Variants in OTOGL observed in about 807,000 individuals in gnomAD.
OTOGL encodes the protein otogelin like.
In OTOGL, 285 loss-of-function variants were observed where a neutral mutation model predicts 318.5. The ratio of observed to expected loss-of-function variants is 0.89; its 90% CI spans 0.81 to 0.99. The LOEUF (loss-of-function observed/expected upper bound fraction) is 0.99, where lower values mean the gene tolerates loss of function less well. Among genes scored for constraint, OTOGL ranks in the 50% least tolerant of loss-of-function variants. The pLI, the probability that OTOGL is intolerant of heterozygous loss-of-function variation, is 0.00. For missense variants in OTOGL, 2,899 were observed against 2,845.6 expected, an observed-to-expected ratio of 1.02 and a Z score of -0.43; for synonymous variants, 987 against 936.5, an observed-to-expected ratio of 1.05 and a Z score of -0.99.
intron 1 of OTOGL, among the ~76,000 whole-genome samples, chr12:80,166,000 G>C (rs1403382462): frequency 6.6e-6 from 1 of 152,162 alleles, no homozygotes; most frequent in East Asian, 1.9e-4. Context: ...GACAGATGGT[G>C]GTAATGTGCT....
intron 1 of OTOGL, among the ~76,000 whole-genome samples, chr12:80,150,505 G>C (rs776023590): frequency 6.6e-6 from 1 of 152,208 alleles, no homozygotes; most frequent in Non-Finnish European, 1.5e-5. Context: ...GGCAGTGAGC[G>C]ATGGACCAAT....
rs1210653107 is a variant in OTOGL at position 80,232,938 on chromosome 12, G to A, written c.658G>A (p.Ala220Thr). ...TIGQIFIEKL[A>T]DYILVKTTFG... The stretch of plus-strand genomic sequence containing the variant: ...TGGACAGATTTTCATTGAGAAACTA[G>A]CTGACTACATTCTTGTGAAAACAAC... The change falls in exon 9 of 59, where the codon GCT becomes ACT. Residue 220 changes from alanine (A) to threonine (T), a missense_variant. Ala to Thr is a moderately conservative substitution (Grantham distance 58, BLOSUM62 0). Coordinates refer to ENST00000547103, the MANE Select transcript of OTOGL (RefSeq NM_001378609.3). 1.3e-6 allele frequency: 2 copies of A among 1,599,272 alleles called. No homozygotes were observed. The highest frequency in any genetic ancestry group is 1.7e-6 in the Non-Finnish European group (2 of 1,179,638).
chr12:80,341,445 A>G (rs1888762027), intron 43 of OTOGL, among the ~76,000 whole-genome samples: 1 of 152,208 alleles, frequency 6.6e-6, no homozygotes, highest in Non-Finnish European at 1.5e-5. Context: ...CTTTATGCCA[A>G]TCAGAGCCCT....
At chr12:80,299,764 C>G (rs1885640647) in intron 27 of OTOGL, among the ~76,000 whole-genome samples, 2 of 152,108 alleles carry the variant, frequency 1.3e-5, no homozygotes, top group South Asian at 2.1e-4. Flanking sequence ...GCTAACATCA[C>G]TAGAGTTTGT....
At chr12:80,123,061 T>A (rs1186637903) in intron 1 of OTOGL, among the ~76,000 whole-genome samples, 1 of 152,004 alleles carries the variant, frequency 6.6e-6, no homozygotes, top group Non-Finnish European at 1.5e-5. Flanking sequence ...TACTTTAAGT[T>A]TTAGGGTACA....
At chr12:80,335,651 A>C (rs977187421) in intron 38 of OTOGL, among the ~76,000 whole-genome samples, 1 of 152,124 alleles carries the variant, frequency 6.6e-6, no homozygotes, top group Non-Finnish European at 1.5e-5. Flanking sequence ...GTGAAGGGTC[A>C]GCTGTCATTT....
At chr12:80,144,829 T>C (rs1340942209) in intron 1 of OTOGL, among the ~76,000 whole-genome samples, 7 of 152,314 alleles carry the variant, frequency 4.6e-5, no homozygotes, top group South Asian at 2.1e-4. Flanking sequence ...TTTTTTCATA[T>C]GTTTTTTGGC....
At chr12:80,307,945 C>T (rs1407327342) in intron 29 of OTOGL, among the ~76,000 whole-genome samples, 9 of 131,188 alleles carry the variant, frequency 6.9e-5, no homozygotes, top group African/African-American at 2.0e-4. Context: ...CCCTCCCGGA[C>T]GGAGCGGCTG....
rs1882048214 is a variant in OTOGL at position 80,256,409 on chromosome 12, G to T, written c.1660G>T (p.Gly554Cys). The change falls in exon 17 of 59, where the codon GGT becomes TGT. Residue 554 changes from glycine to cysteine, a missense_variant. Around this residue, in one of 3 missense-constraint regions of OTOGL, gnomAD observed 2,607 missense variants for 2,524.9 expected, o/e 1.03. Coordinates refer to ENST00000547103, the MANE Select transcript of OTOGL (RefSeq NM_001378609.3). Reference protein sequence around the residue: ...EDDFNKQVTLGRGGQILTSPN... With the variant: ...EDDFNKQVTLCRGGQILTSPN... Reference sequence around the variant, plus strand: ...TGATTTTAACAAACAAGTGACCCTTGGTAGGGGAGGACAAATTCTCACTAG... The same window carrying T: ...TGATTTTAACAAACAAGTGACCCTTTGTAGGGGAGGACAAATTCTCACTAG... 6.3e-7 allele frequency: 1 copy of T among 1,591,872 alleles called. No homozygotes were observed. The highest frequency in any genetic ancestry group is 8.5e-7 in the Non-Finnish European group (1 of 1,175,812).
intron 24 of OTOGL, among the ~76,000 whole-genome samples, chr12:80,274,477 C>A (rs1221781726): frequency 6.6e-6 from 1 of 151,944 alleles, no homozygotes; most frequent in African/African-American, 2.4e-5. Flanking sequence ...TTGAAGCCAG[C>A]AGAGGTTGGC....
intron 29 of OTOGL, among the ~76,000 whole-genome samples, chr12:80,309,729 G>A (rs932445322): frequency 2.0e-5 from 3 of 152,152 alleles, no homozygotes; most frequent in Admixed American, 2.0e-4. Context: ...GCAAAGAGGA[G>A]GAAATGAATG....
chr12:80,320,418 A>G lies in OTOGL; in HGVS notation c.3803-4A>G. The G allele has an allele frequency of 1.2e-6, 2 of 1,607,194 alleles. No homozygotes were observed. The highest frequency in any genetic ancestry group is 8.5e-7 in the Non-Finnish European group (1 of 1,175,942). ...GAGAATCCACACTGCTCTATATTTT[A>G]CAGCATTAGCACTTGTTTCCTTGGA... On this transcript the variant is annotated splice_polypyrimidine_tract_variant and splice_region_variant and intron_variant, in intron 33 of 58. Transcript: ENST00000547103.
chr12:80,269,700 G>A (rs1247904344), intron 22 of OTOGL, among the ~76,000 whole-genome samples: 1 of 152,080 alleles, frequency 6.6e-6, no homozygotes, highest in Non-Finnish European at 1.5e-5. Context: ...TTGATTCCCT[G>A]ATGTTGGTTG....
Position 80,220,856 on chromosome 12 carries a change from G to A in OTOGL, c.334+944G>A, listed in dbSNP as rs74108565. On this transcript the variant is annotated intron_variant, in intron 6 of 58. Coordinates refer to ENST00000547103, the MANE Select transcript of OTOGL (RefSeq NM_001378609.3). The stretch of plus-strand genomic sequence containing the variant: ...TTAAACTTGTTACAGGTGCTGTAAA[G>A]TACAAGATGCTATGAAAAAATGAAG... Among the ~76,000 whole-genome samples the A allele has an allele frequency of 8.2e-3, 1,252 of 152,194 alleles. 18 individuals carry two copies. Among genetic ancestry groups the A allele is most frequent in the African/African-American group, 0.029 (1,192 of 41,512 alleles).
intron 26 of OTOGL, among the ~76,000 whole-genome samples, chr12:80,290,434 G>A (rs1417691608): frequency 6.6e-6 from 1 of 151,936 alleles, no homozygotes; most frequent in Non-Finnish European, 1.5e-5. Flanking sequence ...TAGTAAGGAT[G>A]TAGAACATTT....
At chr12:80,305,783 T>C (rs1186170225) in intron 29 of OTOGL, 88 bp downstream of exon 29, 1 of 1,026,022 alleles carries the variant, frequency 9.7e-7, no homozygotes, top group African/African-American at 1.7e-5. Flanking sequence ...TTAGGTAATA[T>C]TATTTTACAT....
intron 3 of OTOGL, among the ~76,000 whole-genome samples, chr12:80,211,132 T>C (rs1877220447): frequency 6.6e-6 from 1 of 151,948 alleles, no homozygotes; most frequent in Non-Finnish European, 1.5e-5. Flanking sequence ...ATAAAAGGAG[T>C]CTTTGATGAC....
intron 1 of OTOGL, among the ~76,000 whole-genome samples, chr12:80,113,752 A>C (rs1315576100): frequency 6.6e-6 from 1 of 152,120 alleles, no homozygotes; most frequent in Non-Finnish European, 1.5e-5. Flanking sequence ...TGGGAGTCTA[A>C]GTCTCTTTGT....
intron 29 of OTOGL, among the ~76,000 whole-genome samples, chr12:80,306,961 G>A (rs568467139): frequency 2.0e-5 from 3 of 148,664 alleles, no homozygotes; most frequent in Non-Finnish European, 4.4e-5. Flanking sequence ...CGGCCTTTCC[G>A]CAGTGTTTGT....
Sources: gnomAD v4.1 joint callset for allele counts (sites outside exome capture counted in the v4.1 genomes callset) on GRCh38, gnomAD v4.1.1 for gene constraint, gnomAD v4.1.1 regional missense constraint, MANE v1.5 for transcripts, NCBI Gene and HGNC (gene_info 2026-07-23, HGNC 2026-07-21) for gene names.